Variants in BRD4 observed in about 807,000 individuals in gnomAD.
BRD4 encodes the protein bromodomain containing 4.
In BRD4, 16 loss-of-function variants were observed where a neutral mutation model predicts 142.1. The observed-to-expected ratio is 0.11, with a 90% CI of 0.08 to 0.17. BRD4 has a LOEUF of 0.17. Ranked by LOEUF, BRD4 falls within the 10% of genes least tolerant of loss-of-function variation. The pLI is 1.00. For synonymous variants in BRD4, 833 were observed against 707.5 expected (o/e 1.18, Z -2.82); for missense variants, 1,424 against 1,810.9 (o/e 0.79, Z 3.88).
Position 15,267,464 on chromosome 19 carries a change from T to C in BRD4, c.511A>G (p.Ile171Val), listed in dbSNP as rs916533832. ...CTTCCTTTTGCCTGGACTATCATGA[T>C]CTCGGTTTCTTCTGTGGGTAGCTCA... ...INELPTEETE[I>V]MIVQAKGRGR... is the part of the protein sequence containing the mutation. Residue 171 changes from isoleucine to valine, a missense_variant, in exon 4 of 20, where the codon ATC becomes GTC. This residue lies in a region of BRD4 where 55 missense variants were observed against 160.7 expected (regional missense o/e 0.34). Coordinates refer to ENST00000679869, the MANE Select transcript of BRD4 (RefSeq NM_001379291.1). 1 of 1,614,224 alleles carries C rather than the reference T, an allele frequency of 6.2e-7. No individual in the cohort carries two copies. The highest frequency in any genetic ancestry group is 2.2e-5 in the East Asian group (1 of 44,890).
chr19:15,315,954 G>C (rs909214404), intron 1 of BRD4, among the ~76,000 whole-genome samples: 3 of 149,110 alleles, frequency 2.0e-5, no homozygotes, highest in African/African-American at 7.4e-5. Flanking sequence ...AGGAGATCAA[G>C]ACCATCCTGG....
intron 1 of BRD4, among the ~76,000 whole-genome samples, chr19:15,291,147 C>T (rs2047779310): frequency 1.3e-5 from 2 of 152,128 alleles, no homozygotes; most frequent in African/African-American, 4.8e-5. Flanking sequence ...ACTTGTTATG[C>T]CCTGCTCCTG....
chr19:15,307,337 G>A (rs976750660), intron 1 of BRD4, among the ~76,000 whole-genome samples: 3 of 152,176 alleles, frequency 2.0e-5, no homozygotes, highest in Admixed American at 1.3e-4. Context: ...GGTGGATGGA[G>A]TGCTTCTGCT....
Position 15,272,804 on chromosome 19 carries a change from A to T in BRD4, c.285+11T>A, listed in dbSNP as rs201208122. The T allele has an allele frequency of 6.2e-7, 1 of 1,610,642 alleles. No individual in the cohort carries two copies. The highest frequency in any genetic ancestry group is 8.5e-7 in the Non-Finnish European group (1 of 1,177,550). On this transcript the variant is annotated intron_variant, in intron 2 of 19. Coordinates refer to ENST00000679869, the MANE Select transcript of BRD4 (RefSeq NM_001379291.1). Reference sequence around the variant, plus strand: ...AGGACGGCCACCCTGGGCCCTGCCCACACTACTCACAGGGAGGTTCAGCTT... The same window carrying T: ...AGGACGGCCACCCTGGGCCCTGCCCTCACTACTCACAGGGAGGTTCAGCTT...
At position 15,297,518 on chromosome 19, in the gene BRD4, C is replaced by A. The variant is rs140102773; in HGVS notation, c.-34-24385G>T. ...CTGCGGTTGCTTTTCAAGTCTTTTA[C>A]CCATCAAAGCCTGACGCACTTCCAC... On this transcript the variant is annotated intron_variant, in intron 1 of 19. Coordinates refer to ENST00000679869, the MANE Select transcript of BRD4 (RefSeq NM_001379291.1). 8.5e-5 allele frequency among the ~76,000 whole-genome samples: 13 copies of A among 152,302 alleles called. No homozygotes were observed. In the East Asian group the frequency reaches 2.5e-3, roughly 29 times the overall value.
intron 6 of BRD4, 159 bp downstream of exon 6, chr19:15,264,245 C>G (rs2047505880): frequency 1.0e-6 from 1 of 969,808 alleles, no homozygotes; most frequent in African/African-American, 1.6e-5. Flanking sequence ...CCACAGCAGA[C>G]AGCAGGGGGC....
At chr19:15,329,871 C>G (rs1489288781) in intron 1 of BRD4, among the ~76,000 whole-genome samples, 2 of 152,166 alleles carry the variant, frequency 1.3e-5, no homozygotes, top group African/African-American at 4.8e-5. Context: ...CAATTTAGTA[C>G]AAAGATCACA....
At chr19:15,330,721 C>T (rs531949860) in intron 1 of BRD4, among the ~76,000 whole-genome samples, 1 of 152,274 alleles carries the variant, frequency 6.6e-6, no homozygotes, top group South Asian at 2.1e-4. Flanking sequence ...GAGCCGAGAT[C>T]GCGCCACTGC....
intron 1 of BRD4, among the ~76,000 whole-genome samples, chr19:15,320,264 C>A (rs1014417740): frequency 6.6e-6 from 1 of 152,094 alleles, no homozygotes; most frequent in Admixed American, 6.5e-5. Flanking sequence ...TACAGTAGAA[C>A]TTAACACTTG....
At chr19:15,244,835 C>A (rs1022202708) in intron 11 of BRD4, 73 bp from the exon 12 acceptor site, 12 of 1,608,656 alleles carry the variant, frequency 7.5e-6, no homozygotes, top group Non-Finnish European at 9.3e-6. Flanking sequence ...TGAAGAAAGA[C>A]GAGAAAACAG....
chr19:15,330,398 C>T (rs984147291), intron 1 of BRD4, among the ~76,000 whole-genome samples: 2 of 152,166 alleles, frequency 1.3e-5, no homozygotes, highest in Non-Finnish European at 2.9e-5. Context: ...TGGTTATCTA[C>T]AACGCATCAG....
rs1290904590 is a variant in BRD4 at position 15,237,385 on chromosome 19, T to C, written c.*992A>G. On this transcript the variant is annotated 3_prime_UTR_variant, in exon 20 of 20. Transcript: ENST00000679869. ...GTGTTTTGTCTTTTTGTGGATTTTT[T>C]TGAGCTTTTTTCTTTTTTCACACCA... 2 of 222,986 alleles carry C rather than the reference T, an allele frequency of 9.0e-6. No individual in the cohort carries two copies. Among genetic ancestry groups the C allele is most frequent in the Non-Finnish European group, 1.8e-5 (2 of 111,826 alleles). 13.8% of individuals were successfully genotyped at this position (222,986 alleles called of 1,614,324 possible). A position where few individuals can be genotyped will look rare whatever the true frequency, so the allele number is the denominator to read the frequency against.
chr19:15,287,240 C>CT (rs200705352), intron 1 of BRD4, among the ~76,000 whole-genome samples: 5,181 of 145,260 alleles, frequency 0.036, 239 homozygotes, highest in African/African-American at 0.11. Context: ...TGCCTTTATT[C>CT]TTTTTTTTTT....
At chr19:15,263,866 C>T (rs1473242209) in intron 6 of BRD4, among the ~76,000 whole-genome samples, 1 of 152,226 alleles carries the variant, frequency 6.6e-6, no homozygotes, top group Non-Finnish European at 1.5e-5. Context: ...TGACACAGTA[C>T]AGGAGCTGGT....
chr19:15,292,013 C>T (rs2047785574), intron 1 of BRD4, among the ~76,000 whole-genome samples: 1 of 152,152 alleles, frequency 6.6e-6, no homozygotes, highest in African/African-American at 2.4e-5. Context: ...TCCACTATAC[C>T]AGTTATTTTG....
At chr19:15,261,488 A>AAAAG (rs929447121) in intron 7 of BRD4, among the ~76,000 whole-genome samples, 38 of 152,228 alleles carry the variant, frequency 2.5e-4, no homozygotes, top group East Asian at 5.8e-4. Context: ...TCTCAAAAAA[A>AAAAG]AAAGAAAGAA....
intron 1 of BRD4, among the ~76,000 whole-genome samples, chr19:15,329,056 A>G (rs1184444398): frequency 1.3e-5 from 2 of 150,094 alleles, no homozygotes; most frequent in Non-Finnish European, 3.0e-5. Context: ...CACAGGCGTG[A>G]GCCACCACGC....
intron 2 of BRD4, among the ~76,000 whole-genome samples, chr19:15,270,828 C>T (rs2145618465): frequency 6.6e-6 from 1 of 152,258 alleles, no homozygotes; most frequent in East Asian, 1.9e-4. Flanking sequence ...GGCTCAGCCC[C>T]CACCAAATGC....
In BRD4 at chr19:15,275,858, A is replaced by G. The variant is rs2047641018; in HGVS notation, c.-34-2725T>C. 1.3e-5 allele frequency: 2 copies of G among 152,154 alleles called. 1 individual carries two copies. The highest frequency in any genetic ancestry group is 4.2e-4 in the South Asian group (2 of 4,818). 9.4% of individuals were successfully genotyped at this position (152,154 alleles called of 1,614,324 possible). On this transcript the variant is annotated intron_variant, in intron 1 of 19. Transcript: ENST00000679869. ...CCCATCTCTACTAAAAAGACAAAAA[A>G]TTAGCCGGGCATGGTGGCCAGCTAC...
Sources: gnomAD v4.1 joint callset for allele counts (sites outside exome capture counted in the v4.1 genomes callset) on GRCh38, gnomAD v4.1.1 for gene constraint, gnomAD v4.1.1 regional missense constraint, MANE v1.5 for transcripts, NCBI Gene and HGNC (gene_info 2026-07-23, HGNC 2026-07-21) for gene names.